CSMD2: variants seen among roughly 807,000 people sequenced by gnomAD.
CSMD2 encodes the protein CUB and sushi domain-containing protein 2.
Under a neutral mutation model 398.5 loss-of-function variants are expected in CSMD2, and 130 were observed. The ratio of observed to expected loss-of-function variants is 0.33; its 90% CI spans 0.28 to 0.38. The LOEUF is 0.38. Among genes scored for constraint, CSMD2 ranks in the 10% least tolerant of loss-of-function variants. The pLI is 1.00. For missense variants in CSMD2, 3,829 were observed against 4,764.9 expected (o/e 0.80, Z 5.78); for synonymous variants, 1,828 against 1,908.5 (o/e 0.96, Z 1.10).
At chr1:33,744,745 A>C (rs899400230) in intron 13 of CSMD2, among the ~76,000 whole-genome samples, 3 of 152,198 alleles carry the variant, frequency 2.0e-5, no homozygotes, top group African/African-American at 4.8e-5. Flanking sequence ...TAGAGGATTC[A>C]TATGAAAGAA....
At chr1:33,739,401 T>C in intron 14 of CSMD2, 67 bp from the exon 15 acceptor site, 1 of 1,451,024 alleles carries the variant, frequency 6.9e-7, no homozygotes, top group Non-Finnish European at 9.3e-7. Flanking sequence ...CTAAAGAAAA[T>C]TAGCTTCCTT....
chr1:33,540,914 C>T (rs1036102347), intron 59 of CSMD2, among the ~76,000 whole-genome samples: 2 of 151,934 alleles, frequency 1.3e-5, no homozygotes. Context: ...GTTTGCGGGA[C>T]CCTCCCCTCA....
chr1:33,817,720 A>C (rs545548749), intron 9 of CSMD2, among the ~76,000 whole-genome samples: 3 of 152,254 alleles, frequency 2.0e-5, no homozygotes, highest in Non-Finnish European at 4.4e-5. Flanking sequence ...CTAGTCCTCA[A>C]AGTAACCCCA....
At chr1:34,089,954 T>C (rs1658364269) in intron 1 of CSMD2, among the ~76,000 whole-genome samples, 1 of 152,160 alleles carries the variant, frequency 6.6e-6, no homozygotes, top group Non-Finnish European at 1.5e-5. Flanking sequence ...CTGTCTATAC[T>C]TTCTGTCTCC....
intron 25 of CSMD2, among the ~76,000 whole-genome samples, chr1:33,667,780 C>T (rs991392378): frequency 1.6e-4 from 25 of 152,250 alleles, no homozygotes; most frequent in African/African-American, 4.8e-4. Context: ...TCTGTGTGCA[C>T]GAACAATACA....
At chr1:33,983,370 A>G (rs752634531) in intron 3 of CSMD2, among the ~76,000 whole-genome samples, 9 of 152,166 alleles carry the variant, frequency 5.9e-5, no homozygotes, top group Admixed American at 2.0e-4. Flanking sequence ...GCATCTCTCT[A>G]CTTGGGAACA....
At chr1:33,967,487 A>G (rs1455103093) in intron 3 of CSMD2, among the ~76,000 whole-genome samples, 1 of 152,182 alleles carries the variant, frequency 6.6e-6, no homozygotes, top group Admixed American at 6.5e-5. Flanking sequence ...TCCCTACACC[A>G]TAAAGGTATC....
At chr1:33,572,773 A>C in intron 49 of CSMD2, 82 bp from the exon 50 acceptor site, 2 of 1,171,844 alleles carry the variant, frequency 1.7e-6, no homozygotes, top group Non-Finnish European at 2.3e-6. Context: ...CTCCCCTCCC[A>C]AGGTCCTTTT....
chr1:34,092,146 T>C (rs1204133360), intron 1 of CSMD2, among the ~76,000 whole-genome samples: 2 of 152,166 alleles, frequency 1.3e-5, no homozygotes, highest in African/African-American at 2.4e-5. Flanking sequence ...ATAGTACATA[T>C]AAACTTAACA....
intron 56 of CSMD2, among the ~76,000 whole-genome samples, chr1:33,548,693 C>T (rs1474963085): frequency 6.6e-6 from 1 of 152,242 alleles, no homozygotes; most frequent in East Asian, 1.9e-4. Context: ...GCCTATTCTT[C>T]TCATCCCTTA....
chr1:34,106,665 C>T (rs1571142380), intron 1 of CSMD2, among the ~76,000 whole-genome samples: 1 of 152,158 alleles, frequency 6.6e-6, no homozygotes, highest in Non-Finnish European at 1.5e-5. Context: ...GAGCTTAGCA[C>T]AGTTGCTGTG....
chr1:33,624,515 C>T lies in CSMD2; in HGVS notation c.5625+4G>A. ...GCCCGACCGAGGCGCCCCCTTGCCC[C>T]TACCTGGATGCCAGCGCCTTCGGGG... is the stretch of plus-strand genomic sequence containing the variant. On this transcript the variant is annotated splice_donor_region_variant and intron_variant, in intron 35 of 70. Coordinates refer to ENST00000373381, the MANE Select transcript of CSMD2 (RefSeq NM_001281956.2). The surrounding 1 kb of genome is among the most constrained non-coding windows in gnomAD (Gnocchi z 4.7). The T allele has an allele frequency of 6.2e-7, 1 of 1,613,632 alleles. No homozygotes were observed. Among genetic ancestry groups the T allele is most frequent in the South Asian group, 1.1e-5 (1 of 91,076 alleles).
chr1:33,624,733 G>A lies in CSMD2; in HGVS notation c.5501-90C>T. 4 of 1,509,482 alleles carry A rather than the reference G, an allele frequency of 2.6e-6. No homozygotes were observed. Among genetic ancestry groups the A allele is most frequent in the Non-Finnish European group, 2.7e-6 (3 of 1,117,778 alleles). 93.5% of individuals were successfully genotyped at this position (1,509,482 alleles called of 1,614,324 possible). A position where few individuals can be genotyped will look rare whatever the true frequency, so the allele number is the denominator to read the frequency against. On this transcript the variant is annotated intron_variant, in intron 34 of 70. Coordinates refer to ENST00000373381, the MANE Select transcript of CSMD2 (RefSeq NM_001281956.2). The surrounding 1 kb of genome is among the most constrained non-coding windows in gnomAD (Gnocchi z 4.7). ...TCCTCCCTCATGGCCCCCAGCCTCT[G>A]TTTGTCCTCCTCCCCATGGGGGTGT...
At chr1:33,919,838 T>C (rs1369947399) in intron 4 of CSMD2, among the ~76,000 whole-genome samples, 2 of 152,182 alleles carry the variant, frequency 1.3e-5, no homozygotes, top group Non-Finnish European at 2.9e-5. Flanking sequence ...TATTCATTCA[T>C]TCATTTAACA....
chr1:34,159,854 TG>T (rs1641169835), intron 1 of CSMD2, among the ~76,000 whole-genome samples: 1 of 152,228 alleles, frequency 6.6e-6, no homozygotes, highest in Admixed American at 6.5e-5. Context: ...CTGATTCCTT[TG>T]GCCCCAGCTT....
At chr1:33,721,248 T>C (rs774628544) in intron 19 of CSMD2, among the ~76,000 whole-genome samples, 1 of 152,190 alleles carries the variant, frequency 6.6e-6, no homozygotes, top group African/African-American at 2.4e-5. Flanking sequence ...ATATTGGTCA[T>C]GCTATATACT....
chr1:33,714,872 C>T, intron 20 of CSMD2, 97 bp from the exon 21 acceptor site: 1 of 1,194,228 alleles, frequency 8.4e-7, no homozygotes, highest in South Asian at 1.4e-5. Context: ...GGGGAAAGGG[C>T]CAGGGACAAC....
In CSMD2 at chr1:33,646,910, C is replaced by T. The variant is rs971860796; in HGVS notation, c.4587-75G>A. On this transcript the variant is annotated intron_variant, in intron 28 of 70. Transcript: ENST00000373381. ...CTTTTGCCGGGGTCTTAGGCTCAACCAAAGCATAGGGCCTCCCAGGGAGCA... is the reference window on the plus strand; with the variant it reads ...CTTTTGCCGGGGTCTTAGGCTCAACTAAAGCATAGGGCCTCCCAGGGAGCA... 2.3e-5 allele frequency: 34 copies of T among 1,449,710 alleles called. 1 individual carries two copies. In the Admixed American group the frequency reaches 4.4e-4, roughly 19 times the overall value. 89.8% of individuals were successfully genotyped at this position (1,449,710 alleles called of 1,614,324 possible).
chr1:34,067,189 C>G (rs1242747352), intron 2 of CSMD2, among the ~76,000 whole-genome samples: 1 of 151,954 alleles, frequency 6.6e-6, no homozygotes, highest in Non-Finnish European at 1.5e-5. Context: ...AGAGGGAAAA[C>G]TATTGAGAAA....
Sources: gnomAD v4.1 joint callset for allele counts (sites outside exome capture counted in the v4.1 genomes callset) on GRCh38, gnomAD v4.1.1 for gene constraint, Gnocchi (gnomAD v3.1) non-coding constraint, MANE v1.5 for transcripts, NCBI Gene and HGNC (gene_info 2026-07-23, HGNC 2026-07-21) for gene names.